Variants in EXOC5 observed in about 807,000 individuals in gnomAD.
The protein encoded by EXOC5 is SEC10-like 1.
A neutral mutation model predicts 90.8 loss-of-function variants in EXOC5; 17 were observed. The ratio of observed to expected loss-of-function variants is 0.19; its 90% CI spans 0.13 to 0.28. EXOC5 has a LOEUF of 0.28. Ranked by LOEUF, EXOC5 falls within the 10% of genes least tolerant of loss-of-function variation. EXOC5 has a pLI of 1.00. For synonymous variants in EXOC5, 260 were observed against 270.0 expected (o/e 0.96, Z 0.36); for missense variants, 569 against 830.6 (o/e 0.69, Z 3.87).
chr14:57,228,625 G>T (rs1230695699), intron 12 of EXOC5, among the ~76,000 whole-genome samples: 1 of 145,768 alleles, frequency 6.9e-6, no homozygotes, highest in Non-Finnish European at 1.5e-5. Flanking sequence ...AACACCACAT[G>T]TTCTCACTCA....
intron 15 of EXOC5, among the ~76,000 whole-genome samples, chr14:57,215,616 C>T (rs571159637): frequency 6.6e-6 from 1 of 151,400 alleles, no homozygotes; most frequent in East Asian, 1.9e-4. Flanking sequence ...TAAAATTCAA[C>T]ACTCTTTCAT....
intron 1 of EXOC5, among the ~76,000 whole-genome samples, chr14:57,266,168 A>T (rs1016502347): frequency 2.0e-5 from 3 of 152,234 alleles, no homozygotes; most frequent in African/African-American, 7.2e-5. Context: ...GAAAATCAGG[A>T]TGCATAAAAA....
At chr14:57,233,317 C>T (rs1474977337) in intron 9 of EXOC5, 1 of 153,952 alleles carries the variant, frequency 6.5e-6, no homozygotes, top group Non-Finnish European at 1.4e-5. Flanking sequence ...TCTGAAAGTA[C>T]AGTGATATGG....
chr14:57,258,787 A>T (rs1245395661), intron 1 of EXOC5, among the ~76,000 whole-genome samples: 1 of 152,202 alleles, frequency 6.6e-6, no homozygotes, highest in Non-Finnish European at 1.5e-5. Context: ...CCTTGACACA[A>T]ATTCAATTTT....
At chr14:57,242,339 G>A (rs1345673788) in intron 4 of EXOC5, among the ~76,000 whole-genome samples, 1 of 151,750 alleles carries the variant, frequency 6.6e-6, no homozygotes, top group African/African-American at 2.4e-5. Flanking sequence ...CAACCTCTGG[G>A]GCTCAAGCAA....
chr14:57,261,729 T>C (rs1352744026), intron 1 of EXOC5, among the ~76,000 whole-genome samples: 1 of 152,218 alleles, frequency 6.6e-6, no homozygotes, highest in African/African-American at 2.4e-5. Flanking sequence ...GGCTAGAAGA[T>C]AGTCTTCCAA....
intron 5 of EXOC5, 21 bp from the exon 6 acceptor site, chr14:57,237,387 A>G (rs534422529): frequency 6.6e-6 from 10 of 1,514,258 alleles, no homozygotes; most frequent in Non-Finnish European, 9.0e-6. Context: ...AAAACCAACC[A>G]TGAGGTTTGT....
At chr14:57,228,009 CAT>C (rs1200034197) in intron 12 of EXOC5, among the ~76,000 whole-genome samples, 1 of 144,034 alleles carries the variant, frequency 6.9e-6, no homozygotes, top group Admixed American at 6.8e-5. Context: ...GATATATATA[CAT>C]ACACACACAC....
chr14:57,219,204 C>T, intron 14 of EXOC5, 118 bp downstream of exon 14: 2 of 485,080 alleles, frequency 4.1e-6, no homozygotes, highest in Non-Finnish European at 6.9e-6. Flanking sequence ...TTTCACTTGT[C>T]CAGTTTGACA....
chr14:57,246,469 A>C (rs967712400), intron 3 of EXOC5, among the ~76,000 whole-genome samples: 1 of 152,216 alleles, frequency 6.6e-6, no homozygotes, highest in Non-Finnish European at 1.5e-5. Context: ...GGACCACACT[A>C]AACTGGATAC....
rs899614977 is a variant in EXOC5, at chr14:57,204,293, A to G, written c.*4316T>C. 6.6e-6 allele frequency: 1 copy of G among 152,160 alleles called. No individual in the cohort carries two copies. The highest frequency in any genetic ancestry group is 2.4e-5 in the African/African-American group (1 of 41,458). 9.4% of individuals were successfully genotyped at this position (152,160 alleles called of 1,614,324 possible). On this transcript the variant is annotated 3_prime_UTR_variant, in exon 18 of 18. Transcript: ENST00000621441. ...TCTAAATGTCAGGTTTCTGTCCCCT[A>G]TACATTTGAACAGTTGTTTCCTCCC...
At position 57,263,526 on chromosome 14, in the gene EXOC5, G is replaced by A. The variant is rs572848820; in HGVS notation, c.27+5096C>T. On this transcript the variant is annotated intron_variant, in intron 1 of 17. Transcript: ENST00000621441. Reference sequence around the variant, plus strand: ...CTCACGCTTGTAATCCCAGCACTTTGGGAGGCCGAGGCAGGTCGATCATGA... The same window carrying A: ...CTCACGCTTGTAATCCCAGCACTTTAGGAGGCCGAGGCAGGTCGATCATGA... Among the ~76,000 whole-genome samples the A allele has an allele frequency of 2.6e-5, 4 of 151,826 alleles. No individual in the cohort carries two copies. In the South Asian group the frequency reaches 8.4e-4, roughly 32 times the overall value.
intron 6 of EXOC5, 65 bp downstream of exon 6, chr14:57,237,273 T>C (rs1883690675): frequency 1.1e-6 from 1 of 874,254 alleles, no homozygotes; most frequent in Non-Finnish European, 1.9e-6. Context: ...CCTTTTGCTG[T>C]TTTATTTTTA....
chr14:57,214,579 T>C (rs1379483505), intron 15 of EXOC5, among the ~76,000 whole-genome samples: 1 of 152,066 alleles, frequency 6.6e-6, no homozygotes, highest in East Asian at 1.9e-4. Context: ...GGATAAGCGG[T>C]ACTAAAGATC....
chr14:57,233,663 T>G, intron 9 of EXOC5, 80 bp downstream of exon 9: 1 of 897,066 alleles, frequency 1.1e-6, no homozygotes, highest in Non-Finnish European at 1.7e-6. Context: ...TAAACTAAAT[T>G]TTAAAAATAC....
chr14:57,261,775 C>G (rs1884509560), intron 1 of EXOC5, among the ~76,000 whole-genome samples: 1 of 152,228 alleles, frequency 6.6e-6, no homozygotes, highest in Non-Finnish European at 1.5e-5. Flanking sequence ...GCTGGGAGTT[C>G]AGCCAGAGCC....
rs1882504211 is a variant in EXOC5, at chr14:57,201,500, AT to A, written c.*7108del. 7.8e-6 allele frequency: 1 copy of A among 128,218 alleles called. No homozygotes were observed. Among genetic ancestry groups the A allele is most frequent in the Non-Finnish European group, 1.5e-5 (1 of 64,710 alleles). The allele number at this position is 128,218 out of a possible 1,614,324, so 7.9% of individuals were successfully genotyped here. A position where few individuals can be genotyped will look rare whatever the true frequency, so the allele number is the denominator to read the frequency against. On this transcript the variant is annotated 3_prime_UTR_variant, in exon 18 of 18. Coordinates refer to ENST00000621441, the MANE Select transcript of EXOC5 (RefSeq NM_006544.4). ...CACACGTGTATAAACACACGTGTAT[AT>A]ACACACACATATGTATATATATACA... is the stretch of plus-strand genomic sequence containing the variant.
chr14:57,231,782 T>C, intron 10 of EXOC5, 67 bp from the exon 11 acceptor site: 3 of 1,028,598 alleles, frequency 2.9e-6, no homozygotes, highest in East Asian at 2.4e-5. Context: ...TATTAAGGAA[T>C]ACAAATTTTT....
Position 57,204,457 on chromosome 14 carries a change from C to T in EXOC5, c.*4152G>A, listed in dbSNP as rs1272346765. 1 of 152,118 alleles carries T rather than the reference C, an allele frequency of 6.6e-6. No homozygotes were observed. The highest frequency in any genetic ancestry group is 1.9e-4 in the East Asian group (1 of 5,204). 9.4% of individuals were successfully genotyped at this position (152,118 alleles called of 1,614,324 possible). A position where few individuals can be genotyped will look rare whatever the true frequency, so the allele number is the denominator to read the frequency against. ...TTAATATACTAAATATTTTGCCTTA[C>T]ATTTTCACTCCAGCATTAGTCATTT... On this transcript the variant is annotated 3_prime_UTR_variant, in exon 18 of 18. Coordinates refer to ENST00000621441, the MANE Select transcript of EXOC5 (RefSeq NM_006544.4).
Sources: gnomAD v4.1 joint callset for allele counts (sites outside exome capture counted in the v4.1 genomes callset) on GRCh38, gnomAD v4.1.1 for gene constraint, MANE v1.5 for transcripts, NCBI Gene and HGNC (gene_info 2026-07-23, HGNC 2026-07-21) for gene names.